Variants in CACNA2D2 observed in about 807,000 individuals in gnomAD.
The protein encoded by CACNA2D2 is voltage-dependent calcium channel subunit alpha-2/delta-2.
A neutral mutation model predicts 166.4 loss-of-function variants in CACNA2D2; 48 were observed. That is an observed-to-expected ratio of 0.29 (90% CI 0.23 to 0.37). CACNA2D2 has a LOEUF of 0.37. CACNA2D2 is among the 10% of genes least tolerant of loss of function. CACNA2D2 has a pLI of 1.00. For missense variants in CACNA2D2, 1,122 were observed against 1,433.0 expected (o/e 0.78, Z 3.50); for synonymous variants, 561 against 573.7 (o/e 0.98, Z 0.32).
chr3:50,446,179 C>G (rs976968740), intron 2 of CACNA2D2, among the ~76,000 whole-genome samples: 5 of 152,224 alleles, frequency 3.3e-5, no homozygotes, highest in Non-Finnish European at 7.3e-5. Context: ...GGCCCTGACT[C>G]CAGGTGTGCC....
chr3:50,434,959 G>C (rs1331069368), intron 2 of CACNA2D2, among the ~76,000 whole-genome samples: 2 of 152,246 alleles, frequency 1.3e-5, no homozygotes, highest in Non-Finnish European at 2.9e-5. Context: ...CAGGGCACTT[G>C]CAGGAACTAG....
At chr3:50,466,745 C>A (rs1050202954) in intron 2 of CACNA2D2, among the ~76,000 whole-genome samples, 1 of 152,244 alleles carries the variant, frequency 6.6e-6, no homozygotes, top group African/African-American at 2.4e-5. Context: ...AGTCTGACCG[C>A]CTGCACTCAG....
At chr3:50,437,528 C>T (rs1176279586) in intron 2 of CACNA2D2, among the ~76,000 whole-genome samples, 1 of 152,204 alleles carries the variant, frequency 6.6e-6, no homozygotes, top group Non-Finnish European at 1.5e-5. Flanking sequence ...CCTAGTGCCA[C>T]AGCCCTCCCC....
At position 50,375,834 on chromosome 3, in the gene CACNA2D2, C is replaced by A; in HGVS notation, c.1820G>T (p.Arg607Ile). The stretch of plus-strand genomic sequence containing the variant: ...CTCATCCAGGGACTTGACCAACGTT[C>A]TGATCTGCTTGTGGCCCTTGTTGCC... ...IDGNKGHKQI[R>I]TLVKSLDERY... Residue 607 changes from arginine to isoleucine, a missense_variant, in exon 20 of 38, where the codon AGA becomes ATA. Coordinates refer to ENST00000424201, the MANE Select transcript of CACNA2D2 (RefSeq NM_006030.4). This position sits in a 1 kb window ranked among gnomAD's most constrained non-coding sequence, Gnocchi z 4.0. 1 of 1,613,092 alleles carries A rather than the reference C, an allele frequency of 6.2e-7. No individual in the cohort carries two copies. Among genetic ancestry groups the A allele is most frequent in the South Asian group, 1.1e-5 (1 of 91,086 alleles).
intron 3 of CACNA2D2, among the ~76,000 whole-genome samples, chr3:50,417,908 C>T (rs147645146): frequency 7.2e-5 from 11 of 152,236 alleles, no homozygotes; most frequent in African/African-American, 2.4e-4. Flanking sequence ...TTAGTGTGTA[C>T]GTGGGGAATG....
At chr3:50,433,378 A>C (rs2106887771) in intron 3 of CACNA2D2, among the ~76,000 whole-genome samples, 2 of 151,860 alleles carry the variant, frequency 1.3e-5, no homozygotes, top group East Asian at 3.9e-4. Flanking sequence ...TTTTTTAAAG[A>C]GATGAGGTTT....
intron 2 of CACNA2D2, among the ~76,000 whole-genome samples, chr3:50,443,890 G>T (rs141900820): frequency 6.6e-6 from 1 of 152,218 alleles, no homozygotes; most frequent in African/African-American, 2.4e-5. Context: ...GGTGGGCCAG[G>T]GGGGACTCCC....
chr3:50,452,059 G>A (rs573448094), intron 2 of CACNA2D2, among the ~76,000 whole-genome samples: 3 of 152,096 alleles, frequency 2.0e-5, no homozygotes, highest in South Asian at 2.1e-4. Flanking sequence ...GTTGCCTGCT[G>A]ACTCCTCTCA....
chr3:50,491,390 C>T (rs1698514043), intron 1 of CACNA2D2, among the ~76,000 whole-genome samples: 1 of 152,122 alleles, frequency 6.6e-6, no homozygotes, highest in East Asian at 1.9e-4. Flanking sequence ...AGAGGAAGGG[C>T]CAAGGGGAGG....
At position 50,364,624 on chromosome 3, in the gene CACNA2D2, G is replaced by A. The variant is rs1008374141; in HGVS notation, c.*42C>T. The A allele has an allele frequency of 4.1e-6, 6 of 1,471,598 alleles. No individual in the cohort carries two copies. Among genetic ancestry groups the A allele is most frequent in the East Asian group, 5.0e-5 (2 of 40,160 alleles). 91.2% of individuals were successfully genotyped at this position (1,471,598 alleles called of 1,614,324 possible). A position where few individuals can be genotyped will look rare whatever the true frequency, so the allele number is the denominator to read the frequency against. ...GGCAGGAGGGTGGGAAAGGCGAAGA[G>A]GCCGGGTGAGGTGGGAGTGGAGGTG... On this transcript the variant is annotated 3_prime_UTR_variant, in exon 38 of 38. Transcript: ENST00000424201.
chr3:50,468,380 A>T (rs112329882), intron 2 of CACNA2D2, among the ~76,000 whole-genome samples: 3,412 of 83,190 alleles, frequency 0.041, 183 homozygotes, highest in African/African-American at 0.14. Flanking sequence ...TCATCAGAAT[A>T]GTGTGTGTGT....
chr3:50,444,353 A>T (rs1708744217), intron 2 of CACNA2D2, among the ~76,000 whole-genome samples: 1 of 152,242 alleles, frequency 6.6e-6, no homozygotes, highest in Non-Finnish European at 1.5e-5. Context: ...CCCACAGCCA[A>T]GAATGGCCAA....
chr3:50,467,658 G>A (rs571314458), intron 2 of CACNA2D2, among the ~76,000 whole-genome samples: 105 of 152,194 alleles, frequency 6.9e-4, no homozygotes, highest in African/African-American at 2.4e-3. Flanking sequence ...TCCAAGGGTC[G>A]GTCACTTGGT....
At chr3:50,392,923 A>C (rs533423912) in intron 4 of CACNA2D2, among the ~76,000 whole-genome samples, 1 of 152,152 alleles carries the variant, frequency 6.6e-6, no homozygotes, top group Admixed American at 6.5e-5. Flanking sequence ...ATAATCTTTC[A>C]TTTCCAATCT....
At chr3:50,474,281 G>A (rs1710217994) in intron 2 of CACNA2D2, among the ~76,000 whole-genome samples, 1 of 152,196 alleles carries the variant, frequency 6.6e-6, no homozygotes, top group Non-Finnish European at 1.5e-5. Flanking sequence ...GAGTGAAAAT[G>A]ATCAATGAGG....
chr3:50,424,439 C>A (rs1707713320), intron 3 of CACNA2D2, among the ~76,000 whole-genome samples: 1 of 152,160 alleles, frequency 6.6e-6, no homozygotes, highest in Non-Finnish European at 1.5e-5. Flanking sequence ...CATGCATGCA[C>A]CCCAACACAC....
chr3:50,386,892 T>C (rs758717913), intron 5 of CACNA2D2, among the ~76,000 whole-genome samples: 1 of 152,304 alleles, frequency 6.6e-6, no homozygotes, highest in Non-Finnish European at 1.5e-5. Context: ...CTACTCCAAG[T>C]GCCCTACACC....
intron 2 of CACNA2D2, among the ~76,000 whole-genome samples, chr3:50,448,229 C>A (rs1322147283): frequency 6.6e-6 from 1 of 152,180 alleles, no homozygotes; most frequent in African/African-American, 2.4e-5. Context: ...GGTTGCCCTG[C>A]AAAGGAGGCT....
At chr3:50,483,369 C>T (rs1043180665) in intron 1 of CACNA2D2, among the ~76,000 whole-genome samples, 2 of 152,220 alleles carry the variant, frequency 1.3e-5, no homozygotes, top group Non-Finnish European at 2.9e-5. Context: ...GGGTCCAAAG[C>T]CATCTCTCTC....
Sources: allele counts gnomAD v4.1 joint callset (sites outside exome capture counted in the v4.1 genomes callset), GRCh38; gene constraint gnomAD v4.1.1; non-coding constraint Gnocchi (gnomAD v3.1); transcripts MANE v1.5; gene names NCBI Gene and HGNC (gene_info 2026-07-23, HGNC 2026-07-21).